Variants in BRINP2 observed in about 807,000 individuals in gnomAD.
BRINP2 encodes BMP/retinoic acid inducible neural specific 2.
A neutral mutation model predicts 69.2 loss-of-function variants in BRINP2; 21 were observed. The observed-to-expected ratio is 0.30, with a 90% CI of 0.22 to 0.44. The LOEUF (loss-of-function observed/expected upper bound fraction) is 0.44, where lower values mean the gene tolerates loss of function less well. BRINP2 is among the 20% of genes least tolerant of loss of function. The pLI is 1.00. For missense variants in BRINP2, 877 were observed against 986.0 expected, an observed-to-expected ratio of 0.89 and a Z score of 1.48; for synonymous variants, 380 against 394.1, an observed-to-expected ratio of 0.96 and a Z score of 0.42.
chr1:177,256,695 AT>A, intron 3 of BRINP2: 1 of 1,061,312 alleles, frequency 9.4e-7, no homozygotes, highest in Non-Finnish European at 1.1e-6. Context: ...TTATTATAAC[AT>A]TTAGCTCACT....
intron 6 of BRINP2, among the ~76,000 whole-genome samples, chr1:177,277,630 G>A (rs74920193): frequency 6.6e-6 from 1 of 151,740 alleles, no homozygotes; most frequent in Non-Finnish European, 1.5e-5. Context: ...GGCCCCAGGG[G>A]TTGCCATTTT....
chr1:177,214,092 G>A (rs1194598530), intron 1 of BRINP2, among the ~76,000 whole-genome samples: 7 of 152,144 alleles, frequency 4.6e-5, no homozygotes, highest in African/African-American at 1.7e-4. Flanking sequence ...AATTGCTTCA[G>A]TCTAAGTCTA....
At chr1:177,241,959 A>T (rs1321623748) in intron 2 of BRINP2, among the ~76,000 whole-genome samples, 1 of 152,228 alleles carries the variant, frequency 6.6e-6, no homozygotes, top group Admixed American at 6.5e-5. Flanking sequence ...TCCAGCTGTT[A>T]CTGAGTTTGA....
chr1:177,267,616 C>CT (rs1329277072), intron 4 of BRINP2, among the ~76,000 whole-genome samples: 1 of 151,886 alleles, frequency 6.6e-6, no homozygotes, highest in Non-Finnish European at 1.5e-5. Context: ...TAAATTTTTT[C>CT]TTTCAGTATC....
chr1:177,205,600 G>C (rs9919270), intron 1 of BRINP2, among the ~76,000 whole-genome samples: 88,231 of 152,136 alleles, frequency 0.58, 27,368 homozygotes, highest in African/African-American at 0.81. Flanking sequence ...TTCCCTAAAT[G>C]TGTGGATTTA....
At chr1:177,207,764 TG>T (rs1256517006) in intron 1 of BRINP2, among the ~76,000 whole-genome samples, 1 of 152,138 alleles carries the variant, frequency 6.6e-6, no homozygotes, top group African/African-American at 2.4e-5. Context: ...TCCCTTTCCC[TG>T]CTCCCTCAAA....
At chr1:177,236,622 G>A (rs1438330487) in intron 2 of BRINP2, among the ~76,000 whole-genome samples, 1 of 152,162 alleles carries the variant, frequency 6.6e-6, no homozygotes, top group East Asian at 1.9e-4. Flanking sequence ...ACATTGCTCT[G>A]CACAGAAAGG....
rs1647934106 is a variant in BRINP2, at chr1:177,171,639, A to G, written c.-170A>G. ...GGAAAGCTGCCACTGGAGATGTTGC[A>G]CAAAAACCTGGAATCTTTTAGGAGT... On this transcript the variant is annotated 5_prime_UTR_variant, in exon 1 of 8. Transcript: ENST00000361539. 6.6e-6 allele frequency: 1 copy of G among 152,300 alleles called. No individual in the cohort carries two copies. The highest frequency in any genetic ancestry group is 2.4e-5 in the African/African-American group (1 of 41,446). The allele number at this position is 152,300 out of a possible 1,614,324, so 9.4% of individuals were successfully genotyped here. A position where few individuals can be genotyped will look rare whatever the true frequency, so the allele number is the denominator to read the frequency against.
intron 1 of BRINP2, among the ~76,000 whole-genome samples, chr1:177,186,962 AGT>A (rs1034975643): frequency 1.3e-5 from 2 of 152,194 alleles, no homozygotes; most frequent in African/African-American, 4.8e-5. Context: ...AGGTTACACA[AGT>A]GGGAGAGGCA....
chr1:177,248,918 C>T (rs1406083682), intron 2 of BRINP2, among the ~76,000 whole-genome samples: 3 of 152,154 alleles, frequency 2.0e-5, no homozygotes, highest in African/African-American at 7.2e-5. Context: ...TCTCAAAACC[C>T]TGCTGAAGCT....
At chr1:177,226,117 TC>T (rs1170534869) in intron 1 of BRINP2, among the ~76,000 whole-genome samples, 2 of 152,250 alleles carry the variant, frequency 1.3e-5, no homozygotes, top group African/African-American at 4.8e-5. Flanking sequence ...CACAGGTTTT[TC>T]ACATGTGTGC....
intron 4 of BRINP2, among the ~76,000 whole-genome samples, chr1:177,266,861 A>T (rs1400510576): frequency 1.3e-5 from 2 of 152,026 alleles, no homozygotes; most frequent in African/African-American, 4.8e-5. Flanking sequence ...GGTTTCAAAC[A>T]TATGCCTCTT....
intron 1 of BRINP2, among the ~76,000 whole-genome samples, chr1:177,218,355 T>G (rs895655440): frequency 1.8e-4 from 27 of 152,036 alleles, no homozygotes; most frequent in African/African-American, 6.5e-4. Flanking sequence ...CTTCTGGGAG[T>G]GACCAGCTCA....
chr1:177,257,600 A>G (rs1245644944), intron 4 of BRINP2, among the ~76,000 whole-genome samples: 1 of 152,216 alleles, frequency 6.6e-6, no homozygotes, highest in East Asian at 1.9e-4. Context: ...GCTACAGCAG[A>G]GGCACGTCTG....
In BRINP2 at chr1:177,280,989, G is replaced by A; in HGVS notation, c.1813G>A (p.Val605Met). The change falls in exon 8 of 8, where the codon GTG (valine) becomes ATG (methionine). Residue 605 changes from valine (V) to methionine (M), a missense_variant. Around this residue, in one of 3 missense-constraint regions of BRINP2, gnomAD observed 225 missense variants for 218.7 expected, o/e 1.03. Coordinates refer to ENST00000361539, the MANE Select transcript of BRINP2 (RefSeq NM_021165.4). ...GSHSESWFMP[V>M]NEGSFPDWER... ...CCACTCTGAGAGCTGGTTCATGCCT[G>A]TGAATGAGGGCAGCTTTCCTGACTG... 1 of 1,614,194 alleles carries A rather than the reference G, an allele frequency of 6.2e-7. No homozygotes were observed. The highest frequency in any genetic ancestry group is 8.5e-7 in the Non-Finnish European group (1 of 1,180,030).
intron 1 of BRINP2, among the ~76,000 whole-genome samples, chr1:177,174,032 C>T (rs1424872549): frequency 6.6e-6 from 1 of 152,224 alleles, no homozygotes; most frequent in Non-Finnish European, 1.5e-5. Context: ...ACAGCACTTT[C>T]CAGAGCTCAT....
intron 2 of BRINP2, among the ~76,000 whole-genome samples, chr1:177,234,509 T>A (rs914466144): frequency 1.4e-4 from 22 of 152,358 alleles, no homozygotes; most frequent in South Asian, 2.1e-4. Context: ...TGTTTTTTTT[T>A]ATTTCTTTTT....
chr1:177,220,442 C>CCT (rs747835365), intron 1 of BRINP2, among the ~76,000 whole-genome samples: 111 of 150,040 alleles, frequency 7.4e-4, no homozygotes, highest in Non-Finnish European at 1.2e-3. Flanking sequence ...ACCTCCCCCA[C>CCT]CTCTCTCTCT....
chr1:177,186,588 G>A (rs1164689349), intron 1 of BRINP2, among the ~76,000 whole-genome samples: 2 of 152,014 alleles, frequency 1.3e-5, no homozygotes, highest in African/African-American at 4.8e-5. Flanking sequence ...AGGTAATGGA[G>A]GTCAAAGTTA....
Sources: gnomAD v4.1 joint callset for allele counts (sites outside exome capture counted in the v4.1 genomes callset) on GRCh38, gnomAD v4.1.1 for gene constraint, gnomAD v4.1.1 regional missense constraint, MANE v1.5 for transcripts, NCBI Gene and HGNC (gene_info 2026-07-23, HGNC 2026-07-21) for gene names.